The following TANC1 variants were observed in gnomAD, a reference collection of about 807,000 sequenced individuals.
TANC1 encodes tetratricopeptide repeat, ankyrin repeat and coiled-coil containing 1.
TANC1 carries 77 observed loss-of-function variants against 149.7 expected under a neutral mutation model. The observed-to-expected ratio is 0.51, with a 90% CI of 0.43 to 0.62. TANC1 has a LOEUF of 0.62. Ranked by LOEUF, TANC1 falls within the 20% of genes least tolerant of loss-of-function variation. The pLI is 0.00. For synonymous variants in TANC1, 854 were observed against 925.0 expected, an observed-to-expected ratio of 0.92 and a Z score of 1.39; for missense variants, 1,985 against 2,321.8, an observed-to-expected ratio of 0.85 and a Z score of 2.98.
chr2:159,062,991 A>AAAAAAAAAAAAAAAAAG (rs1553534848), intron 2 of TANC1, among the ~76,000 whole-genome samples: 3 of 147,084 alleles, frequency 2.0e-5, no homozygotes, highest in Non-Finnish European at 3.0e-5. Flanking sequence ...AAAAAAAAAA[A>AAAAAAAAAAAAAAAAAG]AAAAGAAAGC....
chr2:159,095,197 C>T (rs264633), intron 3 of TANC1, among the ~76,000 whole-genome samples: 20,591 of 152,078 alleles, frequency 0.14, 2,236 homozygotes, highest in African/African-American at 0.29. Context: ...TCGCTTGCTT[C>T]GGCCTCCCAA....
intron 18 of TANC1, 47 bp from the exon 19 acceptor site, chr2:159,198,928 A>C: frequency 7.4e-7 from 1 of 1,358,872 alleles, no homozygotes; most frequent in Non-Finnish European, 1.1e-6. Flanking sequence ...TATAATAAGC[A>C]CCTCTTGCTA....
At chr2:159,217,045 C>T (rs1164989440) in intron 19 of TANC1, among the ~76,000 whole-genome samples, 2 of 152,182 alleles carry the variant, frequency 1.3e-5, no homozygotes, top group East Asian at 1.9e-4. Context: ...GGGGATGGCT[C>T]ACCTCTGCTC....
At chr2:159,072,018 T>C (rs2043198056) in intron 3 of TANC1, among the ~76,000 whole-genome samples, 1 of 152,216 alleles carries the variant, frequency 6.6e-6, no homozygotes, top group Non-Finnish European at 1.5e-5. Flanking sequence ...CTCGGCTCTG[T>C]TGCCTGGGCT....
At chr2:159,088,173 G>A (rs1175722658) in intron 3 of TANC1, among the ~76,000 whole-genome samples, 1 of 152,040 alleles carries the variant, frequency 6.6e-6, no homozygotes, top group African/African-American at 2.4e-5. Context: ...CTAACACAAG[G>A]GTTCTGAGTG....
chr2:158,994,172 A>C (rs2149292913), intron 1 of TANC1, among the ~76,000 whole-genome samples: 1 of 152,276 alleles, frequency 6.6e-6, no homozygotes, highest in South Asian at 2.1e-4. Flanking sequence ...ATTGTTTTGC[A>C]ATTAACCATA....
chr2:159,073,175 G>T (rs988663553), intron 3 of TANC1, among the ~76,000 whole-genome samples: 1 of 152,188 alleles, frequency 6.6e-6, no homozygotes, highest in Non-Finnish European at 1.5e-5. Context: ...CATCCTTTGT[G>T]AATGAAGGTC....
chr2:159,059,888 TTGTGTGTGTGTGTGTG>T lies in TANC1; in HGVS notation c.-15-5981_-15-5966del, dbSNP rs140659801. 3.9e-3 allele frequency among the ~76,000 whole-genome samples: 446 copies of T among 114,818 alleles called. 1 individual carries two copies. The highest frequency in any genetic ancestry group is 0.012 in the African/African-American group (386 of 31,454). 75.3% of individuals were successfully genotyped at this position (114,818 alleles called of 152,430 possible). On this transcript the variant is annotated intron_variant, in intron 2 of 26. Transcript: ENST00000263635. ...CCAGTGTACCATCTAGCAGACCTCT[TTGTGTGTGTGTGTGTG>T]TGTGTGTGTGTGTGTGTGTGTGTGT...
chr2:159,136,251 T>A lies in TANC1; in HGVS notation c.317T>A (p.Ile106Lys). ...CCCAGAGTGCCTGGAGATGCAGTTATAATGCCATTCAGAGAAGTAGCCAAG... is the reference window on the plus strand; with the variant it reads ...CCCAGAGTGCCTGGAGATGCAGTTAAAATGCCATTCAGAGAAGTAGCCAAG... ...ESPRVPGDAV[I>K]MPFREVAKPT... The change falls in exon 5 of 27, where the codon ATA (isoleucine) becomes AAA (lysine). Residue 106 changes from isoleucine (I) to lysine (K), a missense_variant. By Grantham distance (102) the Ile-to-Lys change is moderately radical. Coordinates refer to ENST00000263635, the MANE Select transcript of TANC1 (RefSeq NM_033394.3). 6.2e-7 allele frequency: 1 copy of A among 1,613,682 alleles called. No homozygotes were observed. Among genetic ancestry groups the A allele is most frequent in the Non-Finnish European group, 8.5e-7 (1 of 1,179,606 alleles).
At chr2:159,000,729 G>A (rs956629864) in intron 1 of TANC1, among the ~76,000 whole-genome samples, 2 of 151,944 alleles carry the variant, frequency 1.3e-5, no homozygotes, top group Non-Finnish European at 2.9e-5. Context: ...GGGGGTGTGC[G>A]AGCCGGAAGG....
chr2:159,178,855 T>C lies in TANC1; in HGVS notation c.2202T>C (p.Ser734=). ...ASYKVVPVSL[S]ELYLLQCNMK... ...ACAAGGTGGTGCCCGTGTCTCTCTCTGAGCTCTATTTGCTTCAGTGCAACA... is the reference window on the plus strand; with the variant it reads ...ACAAGGTGGTGCCCGTGTCTCTCTCCGAGCTCTATTTGCTTCAGTGCAACA... Residue 734 remains serine (S), a synonymous_variant, in exon 14 of 27, where the codon TCT becomes TCC. Coordinates refer to ENST00000263635, the MANE Select transcript of TANC1 (RefSeq NM_033394.3). 1 of 1,613,790 alleles carries C rather than the reference T, an allele frequency of 6.2e-7. No individual in the cohort carries two copies. Among genetic ancestry groups the C allele is most frequent in the Non-Finnish European group, 8.5e-7 (1 of 1,179,632 alleles).
At chr2:159,212,039 G>A (rs1468676995) in intron 19 of TANC1, among the ~76,000 whole-genome samples, 1 of 152,230 alleles carries the variant, frequency 6.6e-6, no homozygotes, top group Non-Finnish European at 1.5e-5. Context: ...GTGCTGGACT[G>A]TCATTTCTGA....
At chr2:159,047,200 T>C (rs13009396) in intron 2 of TANC1, among the ~76,000 whole-genome samples, 1 of 143,246 alleles carries the variant, frequency 7.0e-6, no homozygotes, top group Admixed American at 7.0e-5. Context: ...CCCCCCCCAG[T>C]TATTGCCTGC....
At chr2:159,123,937 G>A (rs1207331067) in intron 4 of TANC1, among the ~76,000 whole-genome samples, 2 of 151,924 alleles carry the variant, frequency 1.3e-5, no homozygotes, top group African/African-American at 2.4e-5. Context: ...CCTCCCTCCC[G>A]CTGCTGTTTT....
At position 159,230,565 on chromosome 2, in the gene TANC1, A is replaced by G. The variant is rs1444835829; in HGVS notation, c.5139A>G (p.Thr1713=). The change falls in exon 27 of 27, where the codon ACA becomes ACG. Residue 1713 remains threonine, a synonymous_variant. Transcript: ENST00000263635. This position sits in a 1 kb window ranked among gnomAD's most constrained non-coding sequence, Gnocchi z 4.4. Reference sequence around the variant, plus strand: ...TTGTAACCCACGTTCAGAGCGGTACAGCTGAGCACAGACCCCGCAACACGC... The same window carrying G: ...TTGTAACCCACGTTCAGAGCGGTACGGCTGAGCACAGACCCCGCAACACGC... ...DKVVTHVQSG[T]AEHRPRNTPF... 2 of 1,614,228 alleles carry G rather than the reference A, an allele frequency of 1.2e-6. No individual in the cohort carries two copies. Among genetic ancestry groups the G allele is most frequent in the Non-Finnish European group, 8.5e-7 (1 of 1,180,040 alleles).
At chr2:159,169,853 CATGGTGGCAGGTACCTGTA>C (rs1216869023) in intron 9 of TANC1, among the ~76,000 whole-genome samples, 3 of 152,034 alleles carry the variant, frequency 2.0e-5, no homozygotes, top group Non-Finnish European at 4.4e-5. Context: ...ATTAGCTGGG[CATGGTGGCAGGTACCTGTA>C]ATCACAGCTA....
chr2:159,037,762 G>C (rs1390711264), intron 2 of TANC1, among the ~76,000 whole-genome samples: 2 of 152,196 alleles, frequency 1.3e-5, no homozygotes. Context: ...CTGTAGCCTT[G>C]TAGTATAGTT....
chr2:159,034,873 C>T (rs2040055859), intron 2 of TANC1, among the ~76,000 whole-genome samples: 1 of 152,250 alleles, frequency 6.6e-6, no homozygotes, highest in Admixed American at 6.5e-5. Context: ...CTCACCGACG[C>T]TGGCTTTGCC....
chr2:159,075,971 G>T (rs1212086922), intron 3 of TANC1, among the ~76,000 whole-genome samples: 2 of 152,100 alleles, frequency 1.3e-5, no homozygotes, highest in East Asian at 1.9e-4. Context: ...CTATTACTAG[G>T]GGGTATTTGT....
Sources: gnomAD v4.1 joint callset for allele counts (sites outside exome capture counted in the v4.1 genomes callset) on GRCh38, gnomAD v4.1.1 for gene constraint, Gnocchi (gnomAD v3.1) non-coding constraint, MANE v1.5 for transcripts, NCBI Gene and HGNC (gene_info 2026-07-23, HGNC 2026-07-21) for gene names.